GORAB: variants seen among roughly 807,000 people sequenced by gnomAD.
The protein encoded by GORAB is RAB6-interacting golgin.
A neutral mutation model predicts 29.9 loss-of-function variants in GORAB; 17 were observed. That is an observed-to-expected ratio of 0.57 (90% CI 0.39 to 0.85). The LOEUF (loss-of-function observed/expected upper bound fraction) is 0.85. Ranked by LOEUF, GORAB falls within the 40% of genes least tolerant of loss-of-function variation. The pLI, the probability that GORAB is intolerant of heterozygous loss-of-function variation, is 0.00. For synonymous variants in GORAB, 183 were observed against 157.2 expected, an observed-to-expected ratio of 1.16 and a Z score of -1.23; for missense variants, 442 against 437.8, an observed-to-expected ratio of 1.01 and a Z score of -0.09.
At chr1:170,548,304 A>AAT (rs1649884648) in intron 4 of GORAB, among the ~76,000 whole-genome samples, 1 of 152,206 alleles carries the variant, frequency 6.6e-6, no homozygotes, top group South Asian at 2.1e-4. Flanking sequence ...AAAAAGATGC[A>AAT]TGTGATTACA....
At position 170,543,165 on chromosome 1, in the gene GORAB, A is replaced by T. The variant is rs560381029; in HGVS notation, c.521+573A>T. Among the ~76,000 whole-genome samples, 49 of 152,278 alleles carry T rather than the reference A, an allele frequency of 3.2e-4. No individual in the cohort carries two copies. In the South Asian group the frequency reaches 9.5e-3, roughly 30 times the overall value. ...ATTTTTCTTTCACCTTCCAGTGTCTATCAGCAGCCCCTTCACATTTACTGC... is the reference window on the plus strand; with the variant it reads ...ATTTTTCTTTCACCTTCCAGTGTCTTTCAGCAGCCCCTTCACATTTACTGC... On this transcript the variant is annotated intron_variant, in intron 3 of 4. Transcript: ENST00000367763.
At chr1:170,549,505 A>G (rs912901729) in intron 4 of GORAB, among the ~76,000 whole-genome samples, 2 of 152,180 alleles carry the variant, frequency 1.3e-5, no homozygotes, top group African/African-American at 4.8e-5. Context: ...CAGACTGTAA[A>G]TCTCTACTGA....
Position 170,544,738 on chromosome 1 carries a change from A to G in GORAB, c.555A>G (p.Leu185=), listed in dbSNP as rs1558008021. Residue 185 remains leucine, a synonymous_variant, in exon 4 of 5, where the codon CTA becomes CTG. Coordinates refer to ENST00000367763, the MANE Select transcript of GORAB (RefSeq NM_152281.3). ...SKRTQAETMK[L]KRIQKELQAL... Reference sequence around the variant, plus strand: ...GAACTCAGGCAGAGACCATGAAACTAAAGCGGATCCAGAAGGAGTTGCAGG... The same window carrying G: ...GAACTCAGGCAGAGACCATGAAACTGAAGCGGATCCAGAAGGAGTTGCAGG... 6.2e-7 allele frequency: 1 copy of G among 1,614,056 alleles called. No homozygotes were observed. The highest frequency in any genetic ancestry group is 8.5e-7 in the Non-Finnish European group (1 of 1,179,910).
chr1:170,543,630 CTT>C (rs34490973), intron 3 of GORAB, among the ~76,000 whole-genome samples: 6 of 135,716 alleles, frequency 4.4e-5, no homozygotes, highest in South Asian at 2.3e-4. Context: ...GTAGTGCCCT[CTT>C]TTTTTTTTTT....
Position 170,546,470 on chromosome 1 carries a change from G to T in GORAB, c.662+1625G>T, listed in dbSNP as rs187115609. Among the ~76,000 whole-genome samples the T allele has an allele frequency of 2.1e-3, 312 of 152,016 alleles. 1 individual carries two copies. The highest frequency in any genetic ancestry group is 4.6e-3 in the Admixed American group (70 of 15,270). On this transcript the variant is annotated intron_variant, in intron 4 of 4. Coordinates refer to ENST00000367763, the MANE Select transcript of GORAB (RefSeq NM_152281.3). ...GGAGAAAGACGCTTTTTCATATTCA[G>T]TATTATATAAGAAATGTCATAGTTT...
intron 4 of GORAB, 87 bp from the exon 5 acceptor site, chr1:170,551,928 G>T: frequency 3.5e-6 from 4 of 1,127,968 alleles, no homozygotes; most frequent in Non-Finnish European, 5.3e-6. Context: ...TCCCAATTTT[G>T]GAGTTGAGTT....
At chr1:170,544,956 A>G in intron 4 of GORAB, 111 bp downstream of exon 4, 1 of 1,501,846 alleles carries the variant, frequency 6.7e-7, no homozygotes, top group Non-Finnish European at 8.9e-7. Context: ...AAACAACCCC[A>G]TTCAGTGCTG....
chr1:170,543,609 C>G (rs971208443), intron 3 of GORAB, among the ~76,000 whole-genome samples: 11 of 147,480 alleles, frequency 7.5e-5, no homozygotes, highest in African/African-American at 2.7e-4. Flanking sequence ...AAAAAACCAG[C>G]AGATAAAAGA....
At chr1:170,542,339 G>C in intron 2 of GORAB, 152 bp from the exon 3 acceptor site, 1 of 575,498 alleles carries the variant, frequency 1.7e-6, no homozygotes, top group Non-Finnish European at 3.1e-6. Context: ...ACTGCAGATG[G>C]GTTTCTTTTA....
chr1:170,544,410 CAG>C (rs1244082570), intron 3 of GORAB, among the ~76,000 whole-genome samples: 1 of 152,132 alleles, frequency 6.6e-6, no homozygotes, highest in African/African-American at 2.4e-5. Context: ...AAAGGGAACA[CAG>C]ATATATTCTT....
At chr1:170,546,167 G>A (rs1234125851) in intron 4 of GORAB, among the ~76,000 whole-genome samples, 1 of 152,130 alleles carries the variant, frequency 6.6e-6, no homozygotes, top group Non-Finnish European at 1.5e-5. Context: ...AAGGCAGGTG[G>A]ATCACGAGGT....
chr1:170,544,667 A>T, intron 3 of GORAB, 38 bp from the exon 4 acceptor site: 15 of 1,593,418 alleles, frequency 9.4e-6, no homozygotes, highest in Non-Finnish European at 1.3e-5. Context: ...TGGTTTTAAA[A>T]TGTTCTTATT....
intron 2 of GORAB, among the ~76,000 whole-genome samples, chr1:170,541,566 A>G (rs1649427782): frequency 6.6e-6 from 1 of 152,106 alleles, no homozygotes; most frequent in Admixed American, 6.6e-5. Context: ...CAATTTTGGA[A>G]GGGGCTACTA....
chr1:170,542,641 T>C, intron 3 of GORAB, 49 bp downstream of exon 3: 1 of 1,163,552 alleles, frequency 8.6e-7, no homozygotes, highest in Non-Finnish European at 1.3e-6. Context: ...TAACCAGTTG[T>C]GTCATGTGTT....
chr1:170,547,978 G>A (rs1649865471), intron 4 of GORAB, among the ~76,000 whole-genome samples: 2 of 152,222 alleles, frequency 1.3e-5, no homozygotes, highest in Admixed American at 6.5e-5. Flanking sequence ...TTTCACATAT[G>A]ATCGATTTTA....
chr1:170,540,225 T>G (rs1649328745), intron 2 of GORAB, among the ~76,000 whole-genome samples: 1 of 152,142 alleles, frequency 6.6e-6, no homozygotes, highest in African/African-American at 2.4e-5. Context: ...TTCTTTTTAT[T>G]TATTCTTTAC....
At chr1:170,532,755 C>A in intron 1 of GORAB, 1 of 191,768 alleles carries the variant, frequency 5.2e-6, no homozygotes, top group Non-Finnish European at 1.1e-5. Flanking sequence ...CGGTACTTTT[C>A]ACAATTCATC....
intron 1 of GORAB, chr1:170,536,297 T>TA (rs1308567849): frequency 2.6e-5 from 4 of 152,028 alleles, no homozygotes; most frequent in Admixed American, 6.6e-5. Context: ...TGCTGATATA[T>TA]AAAAAATACA....
At chr1:170,532,828 A>C (rs1025831392) in intron 1 of GORAB, among the ~76,000 whole-genome samples, 2 of 152,210 alleles carry the variant, frequency 1.3e-5, no homozygotes. Flanking sequence ...ATTTTTGAGA[A>C]TCAGCAAACC....
Sources: gnomAD v4.1 joint callset for allele counts (sites outside exome capture counted in the v4.1 genomes callset) on GRCh38, gnomAD v4.1.1 for gene constraint, MANE v1.5 for transcripts, NCBI Gene and HGNC (gene_info 2026-07-23, HGNC 2026-07-21) for gene names.